Variants in RSPO2 observed in about 807,000 individuals in gnomAD.
The protein encoded by RSPO2 is R-spondin 2.
RSPO2 carries 14 observed loss-of-function variants against 30.9 expected under a neutral mutation model. That is an observed-to-expected ratio of 0.45 (90% confidence interval 0.30 to 0.71). RSPO2 has a LOEUF of 0.71. Ranked by LOEUF, RSPO2 falls within the 30% of genes least tolerant of loss-of-function variation. The pLI is 0.08. For missense variants in RSPO2, 264 were observed against 301.9 expected (o/e 0.87, Z 0.93); for synonymous variants, 107 against 96.4 (o/e 1.11, Z -0.64).
rs78219308 is a variant in RSPO2, at chr8:108,074,938, G to A, written c.94+7607C>T. Among the ~76,000 whole-genome samples the A allele has an allele frequency of 2.3e-4, 35 of 152,216 alleles. No individual in the cohort carries two copies. In the East Asian group the frequency reaches 6.0e-3, roughly 26 times the overall value. On this transcript the variant is annotated intron_variant, in intron 2 of 5. Coordinates refer to ENST00000276659, the MANE Select transcript of RSPO2 (RefSeq NM_178565.5). ...TGGTCTCTTCATACTTACAGAACTTGTTCTAAAATACACACACATCTGTAT... is the reference window on the plus strand; with the variant it reads ...TGGTCTCTTCATACTTACAGAACTTATTCTAAAATACACACACATCTGTAT...
intron 2 of RSPO2, chr8:107,997,310 T>C: frequency 6.4e-6 from 1 of 156,038 alleles, no homozygotes; most frequent in Non-Finnish European, 1.4e-5. Flanking sequence ...ATAAGTTGAA[T>C]GGCTCTGCCC....
rs534181687 is a variant in RSPO2, at chr8:107,974,331, A to G, written c.284-13514T>C. On this transcript the variant is annotated intron_variant, in intron 3 of 5. Transcript: ENST00000276659. ...ACGATACTTCATCTCTACAAAAAAA[A>G]AAAAAAGAAAAAAAGAAAAAGAAAA... Among the ~76,000 whole-genome samples the G allele has an allele frequency of 1.9e-4, 29 of 151,896 alleles. 1 individual carries two copies. Among genetic ancestry groups the G allele is most frequent in the Admixed American group, 1.4e-3 (22 of 15,266 alleles).
At chr8:108,073,719 G>C (rs185476068) in intron 2 of RSPO2, among the ~76,000 whole-genome samples, 49 of 152,292 alleles carry the variant, frequency 3.2e-4, no homozygotes, top group Non-Finnish European at 5.3e-4. Flanking sequence ...TCTTTAGTGG[G>C]ATTGAGAGAA....
At chr8:107,966,685 A>G (rs1212981659) in intron 3 of RSPO2, among the ~76,000 whole-genome samples, 4 of 152,234 alleles carry the variant, frequency 2.6e-5, no homozygotes. Context: ...GCAAATGGAC[A>G]GAGTTCCTTT....
chr8:108,070,776 C>G (rs1012665325), intron 2 of RSPO2, among the ~76,000 whole-genome samples: 1 of 152,182 alleles, frequency 6.6e-6, no homozygotes, highest in African/African-American at 2.4e-5. Flanking sequence ...AAAACACTCT[C>G]ACGAGATGCT....
rs1270766002 is a variant in RSPO2 at position 108,052,930 on chromosome 8, G to A, written c.94+29615C>T. On this transcript the variant is annotated intron_variant, in intron 2 of 5. Coordinates refer to ENST00000276659, the MANE Select transcript of RSPO2 (RefSeq NM_178565.5). ...TTTATTTTAAATAGGCAGGAAACAT[G>A]GTAAAAAGGTGCCTTTAAGTTATCT... 2.6e-5 allele frequency among the ~76,000 whole-genome samples: 4 copies of A among 152,136 alleles called. No individual in the cohort carries two copies. The East Asian group carries it at 7.7e-4, about 29-fold the overall frequency.
At chr8:107,908,382 G>A (rs1811719376) in intron 5 of RSPO2, among the ~76,000 whole-genome samples, 2 of 152,230 alleles carry the variant, frequency 1.3e-5, no homozygotes, top group South Asian at 4.1e-4. Flanking sequence ...CAAACAAGAA[G>A]AGATAGTTTT....
chr8:107,901,333 A>G (rs1586522605), intron 5 of RSPO2, 143 bp from the exon 6 acceptor site: 3 of 863,868 alleles, frequency 3.5e-6, no homozygotes, highest in Middle Eastern at 3.2e-4. Flanking sequence ...AATTGTTCAC[A>G]TTAATTTTGA....
At chr8:108,072,818 G>T (rs1026437714) in intron 2 of RSPO2, among the ~76,000 whole-genome samples, 8 of 152,092 alleles carry the variant, frequency 5.3e-5, no homozygotes, top group Non-Finnish European at 7.4e-5. Context: ...TATGAGAGAA[G>T]CATCGAAATA....
chr8:108,068,937 T>C (rs1442230762), intron 2 of RSPO2, among the ~76,000 whole-genome samples: 2 of 152,216 alleles, frequency 1.3e-5, no homozygotes, highest in Non-Finnish European at 2.9e-5. Context: ...TGTAGTACTT[T>C]GTCACAGCAG....
intron 3 of RSPO2, among the ~76,000 whole-genome samples, chr8:107,966,061 C>T: frequency 6.6e-6 from 1 of 152,026 alleles, no homozygotes; most frequent in South Asian, 2.1e-4. Context: ...TGAGGAGTGG[C>T]TTGGAGGAAA....
intron 2 of RSPO2, among the ~76,000 whole-genome samples, chr8:108,057,055 CAAAAAAAAAAAAAAAAAA>C (rs56727719): frequency 1.9e-4 from 7 of 36,082 alleles, no homozygotes; most frequent in Admixed American, 1.2e-3. Context: ...GACTCTGTCT[CAAAAAAAAAAAAAAAAAA>C]AAAAAAAAAA....
chr8:108,063,280 C>A lies in RSPO2; in HGVS notation c.94+19265G>T, dbSNP rs368021451. Among the ~76,000 whole-genome samples the A allele has an allele frequency of 1.4e-4, 21 of 151,880 alleles. No individual in the cohort carries two copies. In the East Asian group the frequency reaches 4.1e-3, roughly 29 times the overall value. ...ATGACATGATTGTATATCTAGAAAA[C>A]GCCATCTTCTCAGCCCAAAATCTCC... On this transcript the variant is annotated intron_variant, in intron 2 of 5. Transcript: ENST00000276659.
rs1173285835 is a variant in RSPO2 at position 108,082,712 on chromosome 8, G to C, written c.-74C>G. ...AGGGTTCGCCCAAAGAGCCGGCGCC[G>C]GCCGCGCTGCTGGGGAGGACTCAGA... On this transcript the variant is annotated 5_prime_UTR_variant, in exon 2 of 6. Coordinates refer to ENST00000276659, the MANE Select transcript of RSPO2 (RefSeq NM_178565.5). The C allele has an allele frequency of 1.5e-6, 2 of 1,319,270 alleles. No individual in the cohort carries two copies. The highest frequency in any genetic ancestry group is 2.2e-6 in the Non-Finnish European group (2 of 926,722). The allele number at this position is 1,319,270 out of a possible 1,614,324, so 81.7% of individuals were successfully genotyped here.
At chr8:107,982,018 A>AC (rs1332347927) in intron 3 of RSPO2, among the ~76,000 whole-genome samples, 2 of 143,722 alleles carry the variant, frequency 1.4e-5, no homozygotes, top group Admixed American at 6.8e-5. Context: ...ACAAAAAAAA[A>AC]AAAAAAAAAA....
intron 2 of RSPO2, among the ~76,000 whole-genome samples, chr8:108,036,464 T>C (rs1054532534): frequency 2.6e-5 from 4 of 152,220 alleles, no homozygotes; most frequent in African/African-American, 9.6e-5. Flanking sequence ...TGTCAAGACC[T>C]GAACTGTCAT....
chr8:107,989,507 C>A (rs1246201548), intron 2 of RSPO2: 3 of 384,188 alleles, frequency 7.8e-6, no homozygotes, highest in Non-Finnish European at 1.4e-5. Context: ...GATGTCAGAC[C>A]AGACAGAGGT....
intron 5 of RSPO2, among the ~76,000 whole-genome samples, chr8:107,916,933 G>A (rs1008942754): frequency 6.6e-6 from 1 of 152,136 alleles, no homozygotes. Flanking sequence ...GGATAGATTT[G>A]TAAAATTTTA....
intron 3 of RSPO2, among the ~76,000 whole-genome samples, chr8:107,981,395 C>G (rs1450686073): frequency 6.6e-6 from 1 of 151,988 alleles, no homozygotes; most frequent in Non-Finnish European, 1.5e-5. Context: ...GTGGCGTGCG[C>G]CTGTAGTCCC....
Sources: gnomAD v4.1 joint callset for allele counts (sites outside exome capture counted in the v4.1 genomes callset) on GRCh38, gnomAD v4.1.1 for gene constraint, MANE v1.5 for transcripts, NCBI Gene and HGNC (gene_info 2026-07-23, HGNC 2026-07-21) for gene names.